Variants in NTNG1 observed in about 807,000 individuals in gnomAD.
The protein encoded by NTNG1 is netrin G1, also known as netrin-G1.
NTNG1 carries 16 observed loss-of-function variants against 54.0 expected under a neutral mutation model. That is an observed-to-expected ratio of 0.30 (90% CI 0.20 to 0.45). The LOEUF (loss-of-function observed/expected upper bound fraction) is 0.45, where lower values mean the gene tolerates loss of function less well. Among genes scored for constraint, NTNG1 ranks in the 20% least tolerant of loss-of-function variants. The pLI is 1.00. For synonymous variants in NTNG1, 255 were observed against 263.1 expected (o/e 0.97, Z 0.30); for missense variants, 530 against 678.7 (o/e 0.78, Z 2.43).
chr1:107,424,590 G>A (rs566685734), intron 5 of NTNG1, among the ~76,000 whole-genome samples: 1 of 152,198 alleles, frequency 6.6e-6, no homozygotes, highest in African/African-American at 2.4e-5. Flanking sequence ...ATGCGTCTGA[G>A]GAAAAGGTGG....
chr1:107,310,473 G>C (rs1213649819), intron 2 of NTNG1, among the ~76,000 whole-genome samples: 1 of 152,110 alleles, frequency 6.6e-6, no homozygotes, highest in Non-Finnish European at 1.5e-5. Flanking sequence ...TTTGGTTCAT[G>C]ATGGTGGATC....
intron 5 of NTNG1, chr1:107,418,711 AT>A: frequency 1.0e-6 from 1 of 953,196 alleles, no homozygotes. Flanking sequence ...CCTATATGCC[AT>A]TTTTAGCACA....
intron 7 of NTNG1, among the ~76,000 whole-genome samples, chr1:107,473,063 G>A (rs1161461547): frequency 6.6e-6 from 1 of 152,118 alleles, no homozygotes; most frequent in Non-Finnish European, 1.5e-5. Flanking sequence ...GAAAAGGACG[G>A]GAACAATTTG....
intron 2 of NTNG1, among the ~76,000 whole-genome samples, chr1:107,282,964 G>A (rs980455465): frequency 3.9e-5 from 6 of 152,094 alleles, no homozygotes; most frequent in African/African-American, 1.4e-4. Flanking sequence ...GACAGAGGGG[G>A]TGAGGAAGCT....
In NTNG1 at chr1:107,335,968, T is replaced by C. The variant is rs141298390; in HGVS notation, c.887+11046T>C. Among the ~76,000 whole-genome samples the C allele has an allele frequency of 6.2e-3, 950 of 152,038 alleles. 10 individuals are homozygous for C. The highest frequency in any genetic ancestry group is 0.019 in the African/African-American group (776 of 41,520). On this transcript the variant is annotated intron_variant, in intron 3 of 7. Coordinates refer to ENST00000370068, the MANE Select transcript of NTNG1 (RefSeq NM_001113226.3). ...TAAATGGGAAGACATCCTATGTTCA[T>C]GGATTGGAAGTCAATGTTGCTAAGA...
At chr1:107,361,420 G>A (rs573666840) in intron 3 of NTNG1, among the ~76,000 whole-genome samples, 100 of 97,920 alleles carry the variant, frequency 1.0e-3, no homozygotes, top group African/African-American at 3.5e-3. Flanking sequence ...ACACAGTTTC[G>A]CTCTTGTTGC....
intron 3 of NTNG1, among the ~76,000 whole-genome samples, chr1:107,370,240 T>TAA (rs35235511): frequency 2.1e-4 from 26 of 125,646 alleles, no homozygotes; most frequent in East Asian, 4.5e-4. Context: ...GTCAATTTCT[T>TAA]AAAAAAAAAA....
intron 5 of NTNG1, among the ~76,000 whole-genome samples, chr1:107,416,114 T>C (rs1383740686): frequency 6.6e-6 from 1 of 152,056 alleles, no homozygotes; most frequent in East Asian, 1.9e-4. Flanking sequence ...TAACACACTA[T>C]AGGAGTTTAG....
rs146759806 is a variant in NTNG1 at position 107,450,239 on chromosome 1, T to C, written c.1390+13440T>C. ...CTAAGCTAATGTGCCTAAATTCTTA[T>C]AGAATTAGAAACAGCTAGCAGTATA... is the stretch of plus-strand genomic sequence containing the variant. On this transcript the variant is annotated intron_variant, in intron 7 of 7. Coordinates refer to ENST00000370068, the MANE Select transcript of NTNG1 (RefSeq NM_001113226.3). Among the ~76,000 whole-genome samples the C allele has an allele frequency of 2.4e-3, 371 of 152,198 alleles. 3 individuals carry two copies. The highest frequency in any genetic ancestry group is 9.1e-3 in the East Asian group (47 of 5,180).
rs116806468 is a variant in NTNG1 at position 107,149,433 on chromosome 1, G to A, written c.246+594G>A. ...ATCTTATTTGCCAACTCCCCTTATT[G>A]TCAAGGTCATAGTTTTCTATGTATA... On this transcript the variant is annotated intron_variant, in intron 2 of 7. Transcript: ENST00000370068. Among the ~76,000 whole-genome samples, 1,305 of 152,198 alleles carry A rather than the reference G, an allele frequency of 8.6e-3. 13 individuals are homozygous for A. The highest frequency in any genetic ancestry group is 0.03 in the African/African-American group (1,233 of 41,534).
chr1:107,353,238 C>A (rs1669734960), intron 3 of NTNG1, among the ~76,000 whole-genome samples: 1 of 152,132 alleles, frequency 6.6e-6, no homozygotes, highest in African/African-American at 2.4e-5. Flanking sequence ...AATATGTGTT[C>A]CAGTTTCAAG....
chr1:107,205,264 T>A (rs1659089284), intron 2 of NTNG1, among the ~76,000 whole-genome samples: 1 of 152,162 alleles, frequency 6.6e-6, no homozygotes, highest in South Asian at 2.1e-4. Context: ...GCTCCAGGTA[T>A]GTAGATCTAG....
rs561229446 is a variant in NTNG1, at chr1:107,421,734, G to T, written c.1088-9016G>T. Among the ~76,000 whole-genome samples, 9 of 152,206 alleles carry T rather than the reference G, an allele frequency of 5.9e-5. No homozygotes were observed. In the East Asian group the frequency reaches 7.7e-4, roughly 13 times the overall value. On this transcript the variant is annotated intron_variant, in intron 5 of 7. Coordinates refer to ENST00000370068, the MANE Select transcript of NTNG1 (RefSeq NM_001113226.3). ...TGTGACTCATGAATGGCCCATTCCA[G>T]CTAGCATCTGTCATTCACAGAATGA... is the stretch of plus-strand genomic sequence containing the variant.
At chr1:107,223,055 G>A (rs1434128663) in intron 2 of NTNG1, among the ~76,000 whole-genome samples, 2 of 152,018 alleles carry the variant, frequency 1.3e-5, no homozygotes, top group African/African-American at 2.4e-5. Context: ...TAAGGGGCAT[G>A]CTTCTGGGTT....
At chr1:107,202,018 C>T (rs1350062579) in intron 2 of NTNG1, among the ~76,000 whole-genome samples, 2 of 151,454 alleles carry the variant, frequency 1.3e-5, no homozygotes, top group Admixed American at 1.3e-4. Flanking sequence ...GTTCTTTTGG[C>T]TTTAAATTTT....
chr1:107,382,177 G>A (rs1226621594), intron 3 of NTNG1, among the ~76,000 whole-genome samples: 1 of 152,168 alleles, frequency 6.6e-6, no homozygotes, highest in East Asian at 1.9e-4. Context: ...AAAGAAGGAA[G>A]AAGGTATTGG....
At chr1:107,196,296 G>C (rs1031791727) in intron 2 of NTNG1, among the ~76,000 whole-genome samples, 43 of 152,054 alleles carry the variant, frequency 2.8e-4, no homozygotes, top group Non-Finnish European at 1.8e-4. Context: ...GGCTCTCTGA[G>C]CCTCAGCTCC....
At chr1:107,458,844 G>T (rs1007853958) in intron 7 of NTNG1, among the ~76,000 whole-genome samples, 2 of 152,028 alleles carry the variant, frequency 1.3e-5, no homozygotes, top group Non-Finnish European at 1.5e-5. Flanking sequence ...TCTGTATCTG[G>T]TGTCCTATTT....
intron 7 of NTNG1, among the ~76,000 whole-genome samples, chr1:107,463,629 T>C (rs1305219554): frequency 2.0e-5 from 3 of 152,142 alleles, no homozygotes; most frequent in African/African-American, 7.2e-5. Flanking sequence ...TTTTTAGCTA[T>C]TTAAGCATTA....
Sources: gnomAD v4.1 joint callset for allele counts (sites outside exome capture counted in the v4.1 genomes callset) on GRCh38, gnomAD v4.1.1 for gene constraint, MANE v1.5 for transcripts, NCBI Gene and HGNC (gene_info 2026-07-23, HGNC 2026-07-21) for gene names.